The following PDXDC1 variants were observed in gnomAD, a reference collection of about 807,000 sequenced individuals.
PDXDC1 encodes pyridoxal dependent decarboxylase domain containing 1, also known as pyridoxal-dependent decarboxylase domain-containing protein 1.
In PDXDC1, 42 loss-of-function variants were observed where a neutral mutation model predicts 100.1. The observed-to-expected ratio is 0.42, with a 90% confidence interval of 0.33 to 0.54. The LOEUF is 0.54. Among genes scored for constraint, PDXDC1 ranks in the 20% least tolerant of loss-of-function variants. PDXDC1 has a pLI of 0.10. For missense variants in PDXDC1, 636 were observed against 979.2 expected, an observed-to-expected ratio of 0.65 and a Z score of 4.68; for synonymous variants, 260 against 371.7, an observed-to-expected ratio of 0.70 and a Z score of 3.46.
At chr16:14,997,525 TAAGACTCC>T (rs1972244095) in intron 1 of PDXDC1, among the ~76,000 whole-genome samples, 1 of 152,278 alleles carries the variant, frequency 6.6e-6, no homozygotes, top group East Asian at 1.9e-4. Context: ...GGCAACAGAG[TAAGACTCC>T]AACTCAAAAA....
intron 12 of PDXDC1, among the ~76,000 whole-genome samples, chr16:15,020,111 C>CAAAA (rs56353637): frequency 4.2e-4 from 38 of 90,610 alleles, no homozygotes; most frequent in African/African-American, 6.0e-4. Context: ...GGCTCCGTCT[C>CAAAA]AAAAAAAAAA....
intron 8 of PDXDC1, among the ~76,000 whole-genome samples, chr16:15,013,590 C>T (rs1330035064): frequency 6.6e-6 from 1 of 152,248 alleles, no homozygotes; most frequent in East Asian, 1.9e-4. Flanking sequence ...AATCATACTA[C>T]AATAGGCCGA....
chr16:15,098,071 C>A (rs2046420697), intron 16 of PDXDC1, among the ~76,000 whole-genome samples: 1 of 150,384 alleles, frequency 6.6e-6, no homozygotes, highest in Non-Finnish European at 1.5e-5. Flanking sequence ...GCCACCGCGA[C>A]CAGCCTGAAT....
intron 16 of PDXDC1, among the ~76,000 whole-genome samples, chr16:15,117,616 C>G (rs1015453692): frequency 3.4e-5 from 5 of 146,166 alleles, no homozygotes; most frequent in Non-Finnish European, 6.0e-5. Context: ...TCACTTGAAG[C>G]CAGGAGGTGG....
chr16:15,142,647 G>A (rs1203588417), downstream of PDXDC1, among the ~76,000 whole-genome samples: 3 of 152,094 alleles, frequency 2.0e-5, no homozygotes, highest in African/African-American at 7.2e-5. Flanking sequence ...TCCTCACCCC[G>A]CTTGCTCCCG....
At chr16:15,041,025 A>G (rs763783659), downstream of PDXDC1, 6 of 1,353,392 alleles carry the variant, frequency 4.4e-6, no homozygotes, top group Non-Finnish European at 6.4e-6. Flanking sequence ...TTAACTGCAC[A>G]TGTGACCAAG....
chr16:15,139,951 G>A (rs945297049), downstream of PDXDC1, among the ~76,000 whole-genome samples: 3 of 151,858 alleles, frequency 2.0e-5, no homozygotes, highest in African/African-American at 4.8e-5. Flanking sequence ...CAAAAATTAG[G>A]TGGGCGTGGT....
At chr16:15,144,599 G>A in the PDXDC1 span, among the ~76,000 whole-genome samples, 458 of 152,308 alleles carry the variant, frequency 3.0e-3, 1 homozygote, top group African/African-American at 0.011. Context: ...ACTAGCCGGG[G>A]AGCCCCAGGC....
chr16:14,979,190 TCAG>T (rs1256995231), intron 1 of PDXDC1, among the ~76,000 whole-genome samples: 2 of 152,292 alleles, frequency 1.3e-5, no homozygotes, highest in African/African-American at 2.4e-5. Flanking sequence ...TTTCAAGTGC[TCAG>T]CAGCCACATG....
In PDXDC1 at chr16:15,108,315, C is replaced by T. The variant is rs531044855; in HGVS notation, c.1400-30564C>T. On this transcript the variant is annotated intron_variant, in intron 16 of 16. Coordinates refer to the PDXDC1 transcript ENST00000535621. ...GGAAGGATGTATAAAATTCCCAGAA[C>T]GCTAGGAAACAGGGACGAAAACACT... 1.1e-3 allele frequency: 998 copies of T among 914,462 alleles called. 15 individuals are homozygous for T. Among genetic ancestry groups the T allele is most frequent in the Admixed American group, 2.4e-3 (38 of 15,974 alleles). 56.6% of individuals were successfully genotyped at this position (914,462 alleles called of 1,614,324 possible). A position where few individuals can be genotyped will look rare whatever the true frequency, so the allele number is the denominator to read the frequency against.
At chr16:15,133,709 G>C (rs539543910) in intron 16 of PDXDC1, 3 of 1,604,072 alleles carry the variant, frequency 1.9e-6, no homozygotes, top group Admixed American at 1.7e-5. Context: ...CCAGCCTGAG[G>C]GACGGTCCCC....
At chr16:14,983,498 G>A (rs550683795) in intron 1 of PDXDC1, among the ~76,000 whole-genome samples, 2,113 of 148,978 alleles carry the variant, frequency 0.014, no homozygotes, top group Non-Finnish European at 0.024. Context: ...GCTTGAACCC[G>A]GGAGGCGGAG....
upstream of PDXDC1, chr16:14,974,975 T>C (rs1407670938): frequency 5.2e-6 from 8 of 1,535,144 alleles, no homozygotes; most frequent in South Asian, 6.0e-5. Flanking sequence ...GGCGCCCAGG[T>C]ACGGAATCCC....
intron 16 of PDXDC1, chr16:15,046,123 G>C (rs1301149218): frequency 1.3e-5 from 2 of 152,284 alleles, no homozygotes; most frequent in Non-Finnish European, 2.9e-5. Flanking sequence ...GGGCCAAGAT[G>C]ATAGGAAAAT....
the PDXDC1 span, among the ~76,000 whole-genome samples, chr16:15,150,293 A>T: frequency 6.6e-6 from 1 of 151,832 alleles, no homozygotes; most frequent in Admixed American, 6.6e-5. Flanking sequence ...GTGAGCCGAG[A>T]TGGCACTGCT....
intron 16 of PDXDC1, among the ~76,000 whole-genome samples, chr16:15,031,292 G>C (rs1300546298): frequency 6.6e-6 from 1 of 152,026 alleles, no homozygotes; most frequent in African/African-American, 2.4e-5. Context: ...AAGTAAGCCA[G>C]TGAGCCCTGA....
intron 16 of PDXDC1, among the ~76,000 whole-genome samples, chr16:15,057,618 C>T (rs536774064): frequency 9.2e-5 from 14 of 152,310 alleles, no homozygotes; most frequent in Admixed American, 8.5e-4. Context: ...GGTTTGAAAC[C>T]AGGGTGATCA....
chr16:15,064,464 T>C (rs983146503), intron 16 of PDXDC1, among the ~76,000 whole-genome samples: 5 of 152,138 alleles, frequency 3.3e-5, no homozygotes, highest in African/African-American at 4.8e-5. Context: ...CATGAGCCAT[T>C]ACGCCCAGCC....
chr16:15,074,249 C>A (rs1045118483), intron 16 of PDXDC1, among the ~76,000 whole-genome samples: 1 of 152,164 alleles, frequency 6.6e-6, no homozygotes, highest in African/African-American at 2.4e-5. Context: ...CATCTTAAAT[C>A]TTAGCAATGT....
Sources: allele counts gnomAD v4.1 joint callset (sites outside exome capture counted in the v4.1 genomes callset), GRCh38; gene constraint gnomAD v4.1.1; transcripts MANE v1.5; gene names NCBI Gene and HGNC (gene_info 2026-07-23, HGNC 2026-07-21).